The following ATP9B variants were observed in gnomAD, a reference collection of about 807,000 sequenced individuals.
ATP9B encodes ATPase phospholipid transporting 9B, also known as probable phospholipid-transporting ATPase IIB.
Under a neutral mutation model 146.1 loss-of-function variants are expected in ATP9B, and 110 were observed. That is an observed-to-expected ratio of 0.75 (90% CI 0.65 to 0.88). ATP9B has a LOEUF of 0.88. Among genes scored for constraint, ATP9B ranks in the 40% least tolerant of loss-of-function variants. The pLI is 0.00. For missense variants in ATP9B, 1,499 were observed against 1,496.4 expected (o/e 1.00, Z -0.03); for synonymous variants, 604 against 569.7 (o/e 1.06, Z -0.86).
chr18:79,348,603 G>T (rs2096905261), intron 25 of ATP9B, among the ~76,000 whole-genome samples: 1 of 152,256 alleles, frequency 6.6e-6, no homozygotes, highest in South Asian at 2.1e-4. Flanking sequence ...AACAGGAAGT[G>T]CAGGGACATG....
chr18:79,236,314 C>T (rs1047027404), intron 11 of ATP9B, among the ~76,000 whole-genome samples: 9 of 152,122 alleles, frequency 5.9e-5, no homozygotes, highest in Admixed American at 2.0e-4. Flanking sequence ...CTATGAAAGT[C>T]GTAGCTCATT....
chr18:79,271,170 T>C (rs1322899647), intron 12 of ATP9B, among the ~76,000 whole-genome samples: 1 of 152,218 alleles, frequency 6.6e-6, no homozygotes, highest in African/African-American at 2.4e-5. Context: ...AGAAACATTA[T>C]AATGGGATTT....
rs1226960047 is a variant in ATP9B at position 79,307,197 on chromosome 18, A to T, written c.1736A>T (p.Asp579Val). ...GCAGAGGCTGACCAAGACTTCAGTG[A>T]TGAGAATCGCACCTACCAGGCTTCC... ...EFAEADQDFS[D>V]ENRTYQASSP... The change falls in exon 15 of 30, where the codon GAT becomes GTT. Residue 579 changes from aspartate to valine, a missense_variant. Physicochemically the swap from Asp to Val is radical, Grantham distance 152. Transcript: ENST00000426216. The T allele has an allele frequency of 1.2e-6, 2 of 1,614,140 alleles. No homozygotes were observed. Among genetic ancestry groups the T allele is most frequent in the Non-Finnish European group, 1.7e-6 (2 of 1,180,054 alleles).
At chr18:79,109,363 C>T (rs1422216888) in intron 2 of ATP9B, among the ~76,000 whole-genome samples, 1 of 151,958 alleles carries the variant, frequency 6.6e-6, no homozygotes, top group African/African-American at 2.4e-5. Context: ...TACTGTCTAC[C>T]CCAAAATAAT....
intron 25 of ATP9B, among the ~76,000 whole-genome samples, chr18:79,349,846 A>G (rs1278214159): frequency 6.6e-6 from 1 of 150,960 alleles, no homozygotes; most frequent in Non-Finnish European, 1.5e-5. Context: ...CTTGGCCTAG[A>G]CCACTGCCAG....
chr18:79,159,511 C>T lies in ATP9B; in HGVS notation c.778+4956C>T, dbSNP rs1193968361. 2.6e-5 allele frequency among the ~76,000 whole-genome samples: 4 copies of T among 152,268 alleles called. No individual in the cohort carries two copies. The East Asian group carries it at 7.7e-4, about 29-fold the overall frequency. On this transcript the variant is annotated intron_variant, in intron 7 of 29. Coordinates refer to ENST00000426216, the MANE Select transcript of ATP9B (RefSeq NM_198531.5). Reference sequence around the variant, plus strand: ...GTGTTCCCGTTGACTAGGCCCATTCCTGAAGGCAGCTTATTCCAGCTTTCT... The same window carrying T: ...GTGTTCCCGTTGACTAGGCCCATTCTTGAAGGCAGCTTATTCCAGCTTTCT...
intron 15 of ATP9B, among the ~76,000 whole-genome samples, chr18:79,316,094 C>T (rs1037576667): frequency 3.3e-5 from 5 of 152,094 alleles, no homozygotes; most frequent in Non-Finnish European, 5.9e-5. Context: ...TAGAAGCACA[C>T]GAGGAGTACT....
At chr18:79,214,078 T>C in intron 11 of ATP9B, 40 bp downstream of exon 11, 1 of 1,466,282 alleles carries the variant, frequency 6.8e-7, no homozygotes, top group South Asian at 1.3e-5. Context: ...ATGAACTTAT[T>C]TTTCCTTTCA....
chr18:79,332,548 G>A (rs957296330), intron 17 of ATP9B, among the ~76,000 whole-genome samples: 2 of 152,256 alleles, frequency 1.3e-5, no homozygotes, highest in African/African-American at 4.8e-5. Flanking sequence ...TGTTGAGGAG[G>A]CTGAGGAGGA....
intron 25 of ATP9B, chr18:79,354,085 C>T (rs1259627388): frequency 1.3e-5 from 2 of 152,140 alleles, no homozygotes; most frequent in African/African-American, 4.8e-5. Context: ...AAAAATAGAA[C>T]GGTCTGCATT....
chr18:79,144,716 CT>C (rs1453207053), intron 6 of ATP9B: 1 of 146,912 alleles, frequency 6.8e-6, no homozygotes, highest in Non-Finnish European at 1.5e-5. Flanking sequence ...GTTATACTGT[CT>C]TTTTTTATTT....
rs781294837 is a variant in ATP9B at position 79,110,334 on chromosome 18, C to T, written c.294-21C>T. The T allele has an allele frequency of 3.3e-5, 51 of 1,542,124 alleles. No individual in the cohort carries two copies. In the East Asian group the frequency reaches 4.2e-4, roughly 13 times the overall value. ...AAAAAGCAAAAAAAAATACACAATA[C>T]GTATCTTTTGTTTCATACAGTTGCT... is the stretch of plus-strand genomic sequence containing the variant. On this transcript the variant is annotated intron_variant, in intron 2 of 29. Transcript: ENST00000426216.
intron 15 of ATP9B, among the ~76,000 whole-genome samples, chr18:79,321,891 G>A (rs1280114765): frequency 1.3e-5 from 2 of 152,174 alleles, no homozygotes; most frequent in African/African-American, 4.8e-5. Context: ...ACGGAAAGAT[G>A]CAATTTACAG....
intron 1 of ATP9B, among the ~76,000 whole-genome samples, chr18:79,077,547 T>C (rs1383254405): frequency 6.6e-6 from 1 of 152,210 alleles, no homozygotes; most frequent in African/African-American, 2.4e-5. Flanking sequence ...GCAGGAATGC[T>C]TTATTACTGC....
At chr18:79,109,137 T>A (rs1568192836) in intron 2 of ATP9B, among the ~76,000 whole-genome samples, 1 of 152,230 alleles carries the variant, frequency 6.6e-6, no homozygotes, top group Admixed American at 6.5e-5. Flanking sequence ...ATATTTGACT[T>A]ATACGGCAGG....
intron 26 of ATP9B, chr18:79,362,261 T>C (rs1375696278): frequency 1.3e-5 from 2 of 152,318 alleles, no homozygotes; most frequent in South Asian, 2.1e-4. Context: ...ATCTCACTTA[T>C]TGTCCTAATG....
intron 2 of ATP9B, among the ~76,000 whole-genome samples, chr18:79,101,772 A>G (rs1447397398): frequency 6.6e-6 from 1 of 152,088 alleles, no homozygotes; most frequent in Non-Finnish European, 1.5e-5. Context: ...GAGGTTGGAC[A>G]TCTTTTTGCC....
At chr18:79,292,935 T>G (rs1376369326) in intron 13 of ATP9B, among the ~76,000 whole-genome samples, 1 of 152,014 alleles carries the variant, frequency 6.6e-6, no homozygotes, top group East Asian at 1.9e-4. Flanking sequence ...GCTCCTGGTT[T>G]CAAAACCTAA....
At chr18:79,322,508 G>A (rs1215584397) in intron 15 of ATP9B, among the ~76,000 whole-genome samples, 2 of 152,196 alleles carry the variant, frequency 1.3e-5, no homozygotes, top group Non-Finnish European at 2.9e-5. Context: ...CCAGGCAGGG[G>A]CAGTGGGGCC....
Sources: allele counts gnomAD v4.1 joint callset (sites outside exome capture counted in the v4.1 genomes callset), GRCh38; gene constraint gnomAD v4.1.1; transcripts MANE v1.5; gene names NCBI Gene and HGNC (gene_info 2026-07-23, HGNC 2026-07-21).